The following TTL variants were observed in gnomAD, a reference collection of about 807,000 sequenced individuals.
TTL encodes tubulin--tyrosine ligase.
A neutral mutation model predicts 41.1 loss-of-function variants in TTL; 10 were observed. The ratio of observed to expected loss-of-function variants is 0.24; its 90% CI spans 0.15 to 0.41. The LOEUF (loss-of-function observed/expected upper bound fraction) is 0.41, where lower values mean the gene tolerates loss of function less well. TTL is among the 10% of genes least tolerant of loss of function. The pLI is 1.00. For synonymous variants in TTL, 175 were observed against 175.5 expected, an observed-to-expected ratio of 1.00 and a Z score of 0.02; for missense variants, 367 against 460.4, an observed-to-expected ratio of 0.80 and a Z score of 1.86.
chr2:112,521,006 T>C (rs1682211075), intron 6 of TTL, among the ~76,000 whole-genome samples: 1 of 152,032 alleles, frequency 6.6e-6, no homozygotes, highest in South Asian at 2.1e-4. Context: ...GAGAGACCCG[T>C]ATGACAAGCT....
At chr2:112,520,454 A>G (rs1323177328) in intron 6 of TTL, 29 bp downstream of exon 6, 1 of 1,607,924 alleles carries the variant, frequency 6.2e-7, no homozygotes, top group African/African-American at 1.3e-5. Flanking sequence ...GTGTTTTTAC[A>G]AGTGGGAAGT....
At position 112,529,846 on chromosome 2, in the gene TTL, C is replaced by G. The variant is rs1304641825; in HGVS notation, c.*1051C>G. The stretch of plus-strand genomic sequence containing the variant: ...GGTATTAGGAGAGTATATATCCTGC[C>G]TGAATGGGGAAGTCTTCTAAAATGG... On this transcript the variant is annotated 3_prime_UTR_variant, in exon 7 of 7. Transcript: ENST00000233336. The G allele has an allele frequency of 2.2e-5, 5 of 222,868 alleles. No individual in the cohort carries two copies. Among genetic ancestry groups the G allele is most frequent in the African/African-American group, 6.7e-5 (3 of 44,812 alleles). The allele number at this position is 222,868 out of a possible 1,614,324, so 13.8% of individuals were successfully genotyped here.
Position 112,537,904 on chromosome 2 carries a change from C to G in TTL, c.*9109C>G, listed in dbSNP as rs190070482. The G allele has an allele frequency of 2.3e-4, 35 of 152,322 alleles. No homozygotes were observed. Among genetic ancestry groups the G allele is most frequent in the Admixed American group, 1.6e-3 (25 of 15,300 alleles). The allele number at this position is 152,322 out of a possible 1,614,324, so 9.4% of individuals were successfully genotyped here. ...ATCTACAAGGCACTCCACCCAACAGCAGCAAAATACACATCCTTCTCAAGT... is the reference window on the plus strand; with the variant it reads ...ATCTACAAGGCACTCCACCCAACAGGAGCAAAATACACATCCTTCTCAAGT... On this transcript the variant is annotated 3_prime_UTR_variant, in exon 7 of 7. Transcript: ENST00000233336.
chr2:112,514,698 A>T (rs1345538398), intron 5 of TTL, among the ~76,000 whole-genome samples: 1 of 152,182 alleles, frequency 6.6e-6, no homozygotes, highest in African/African-American at 2.4e-5. Context: ...TTCTTTGTAC[A>T]TATTCCTGCA....
At chr2:112,490,327 A>G (rs1681348177) in intron 2 of TTL, among the ~76,000 whole-genome samples, 1 of 152,070 alleles carries the variant, frequency 6.6e-6, no homozygotes, top group Admixed American at 6.6e-5. Context: ...CTGAGGCACA[A>G]GAATCGCTTG....
rs1268290319 is a variant in TTL, at chr2:112,482,257, G to A, written c.-88G>A. ...CGGCGGGGGCCGGGCCGCGGCGGGC[G>A]CCCGGGCGGGGTCCGCGCTGAGCCG... On this transcript the variant is annotated 5_prime_UTR_variant, in exon 1 of 7. Coordinates refer to ENST00000233336, the MANE Select transcript of TTL (RefSeq NM_153712.5). This position sits in a 1 kb window ranked among gnomAD's most constrained non-coding sequence, Gnocchi z 5.3. The A allele has an allele frequency of 7.4e-6, 7 of 943,804 alleles. No homozygotes were observed. Among genetic ancestry groups the A allele is most frequent in the Non-Finnish European group, 8.8e-6 (7 of 794,834 alleles). 58.5% of individuals were successfully genotyped at this position (943,804 alleles called of 1,614,324 possible).
chr2:112,502,027 C>T (rs760504112), intron 4 of TTL, among the ~76,000 whole-genome samples: 9 of 152,198 alleles, frequency 5.9e-5, no homozygotes, highest in African/African-American at 7.2e-5. Context: ...AATTTCTCCT[C>T]ACTTCATTGT....
intron 3 of TTL, among the ~76,000 whole-genome samples, chr2:112,496,213 A>G (rs959948274): frequency 2.0e-5 from 3 of 152,190 alleles, no homozygotes; most frequent in Non-Finnish European, 2.9e-5. Flanking sequence ...TCACTAAGAC[A>G]AGACTCAGAG....
intron 2 of TTL, among the ~76,000 whole-genome samples, chr2:112,493,647 A>C (rs1202604008): frequency 6.6e-6 from 1 of 152,186 alleles, no homozygotes; most frequent in Non-Finnish European, 1.5e-5. Flanking sequence ...TACCTTTTTT[A>C]TTCTGTCACC....
At position 112,540,332 on chromosome 2, in the gene TTL, G is replaced by A. The variant is rs944843443; in HGVS notation, c.*11537G>A. The stretch of plus-strand genomic sequence containing the variant: ...CATGCCTGTAATCTCAGCTATTTGG[G>A]AGGCTGAGGCAGGAGGTAGAGGTTG... On this transcript the variant is annotated 3_prime_UTR_variant, in exon 7 of 7. Transcript: ENST00000233336. 6 of 151,746 alleles carry A rather than the reference G, an allele frequency of 4.0e-5. No homozygotes were observed. Among genetic ancestry groups the A allele is most frequent in the African/African-American group, 1.5e-4 (6 of 41,202 alleles). 9.4% of individuals were successfully genotyped at this position (151,746 alleles called of 1,614,324 possible).
chr2:112,510,819 A>G (rs1471387428), intron 5 of TTL, among the ~76,000 whole-genome samples: 1 of 152,096 alleles, frequency 6.6e-6, no homozygotes, highest in Non-Finnish European at 1.5e-5. Context: ...ATATTTTCTA[A>G]TTTCCCTTAT....
At chr2:112,515,991 TAAATAA>T (rs1682059847) in intron 5 of TTL, among the ~76,000 whole-genome samples, 1 of 123,348 alleles carries the variant, frequency 8.1e-6, no homozygotes, top group Non-Finnish European at 1.7e-5. Flanking sequence ...AATAAATAAA[TAAATAA>T]ATGCCCTGCC....
chr2:112,487,695 C>T (rs935806129), intron 2 of TTL, among the ~76,000 whole-genome samples: 7 of 152,310 alleles, frequency 4.6e-5, no homozygotes, highest in Admixed American at 2.6e-4. Flanking sequence ...CCTTGCCCCT[C>T]GGAGGCATGC....
At position 112,536,366 on chromosome 2, in the gene TTL, C is replaced by T. The variant is rs1430118506; in HGVS notation, c.*7571C>T. 6.6e-6 allele frequency: 1 copy of T among 152,014 alleles called. No individual in the cohort carries two copies. The highest frequency in any genetic ancestry group is 1.5e-5 in the Non-Finnish European group (1 of 68,024). The allele number at this position is 152,014 out of a possible 1,614,324, so 9.4% of individuals were successfully genotyped here. A position where few individuals can be genotyped will look rare whatever the true frequency, so the allele number is the denominator to read the frequency against. Reference sequence around the variant, plus strand: ...GGGATTACAGGCATCAGCCAATGCACCTGGCAAAACACACTTTAGATTCAA... The same window carrying T: ...GGGATTACAGGCATCAGCCAATGCATCTGGCAAAACACACTTTAGATTCAA... On this transcript the variant is annotated 3_prime_UTR_variant, in exon 7 of 7. Transcript: ENST00000233336.
intron 1 of TTL, among the ~76,000 whole-genome samples, chr2:112,485,331 A>G (rs908322211): frequency 6.6e-5 from 10 of 152,220 alleles, no homozygotes; most frequent in African/African-American, 2.2e-4. Flanking sequence ...GCCACATGTA[A>G]TAAGAGCTGT....
In TTL at chr2:112,482,855, C is replaced by A. The variant is rs1162297812; in HGVS notation, c.157+354C>A. ...GCCCCCAGATTTGGCGGGTCCGCCG[C>A]GCTGGGCGCGGCTCCGCAGAGCGGG... On this transcript the variant is annotated intron_variant, in intron 1 of 6. Coordinates refer to ENST00000233336, the MANE Select transcript of TTL (RefSeq NM_153712.5). The surrounding 1 kb of genome is among the most constrained non-coding windows in gnomAD (Gnocchi z 5.3). 6.6e-6 allele frequency among the ~76,000 whole-genome samples: 1 copy of A among 152,156 alleles called. No individual in the cohort carries two copies.
Position 112,534,524 on chromosome 2 carries a change from A to G in TTL, c.*5729A>G, listed in dbSNP as rs1266689209. 6.6e-6 allele frequency: 1 copy of G among 152,570 alleles called. No homozygotes were observed. Among genetic ancestry groups the G allele is most frequent in the Non-Finnish European group, 1.5e-5 (1 of 68,038 alleles). The allele number at this position is 152,570 out of a possible 1,614,324, so 9.5% of individuals were successfully genotyped here. A position where few individuals can be genotyped will look rare whatever the true frequency, so the allele number is the denominator to read the frequency against. ...ATTGGAACTCCTCCAAAGCTTCATT[A>G]CCAGAGAATTGCCATTTGGCCTTTT... On this transcript the variant is annotated 3_prime_UTR_variant, in exon 7 of 7. Coordinates refer to ENST00000233336, the MANE Select transcript of TTL (RefSeq NM_153712.5).
At chr2:112,484,946 T>C (rs991944187) in intron 1 of TTL, among the ~76,000 whole-genome samples, 15 of 152,152 alleles carry the variant, frequency 9.9e-5, no homozygotes, top group African/African-American at 3.6e-4. Flanking sequence ...AAACAAAACA[T>C]TTTTTATTTT....
chr2:112,522,327 G>T, intron 6 of TTL: 1 of 152,702 alleles, frequency 6.5e-6, no homozygotes, highest in Non-Finnish European at 1.5e-5. Context: ...CACAGAAACT[G>T]TTCTTTGCAG....
Sources: allele counts gnomAD v4.1 joint callset (sites outside exome capture counted in the v4.1 genomes callset), GRCh38; gene constraint gnomAD v4.1.1; non-coding constraint Gnocchi (gnomAD v3.1); transcripts MANE v1.5; gene names NCBI Gene and HGNC (gene_info 2026-07-23, HGNC 2026-07-21).